DENND1A: variants seen among roughly 807,000 people sequenced by gnomAD.
DENND1A encodes the protein DENN domain containing 1A, also known as DENN domain-containing protein 1A.
In DENND1A, 51 loss-of-function variants were observed where a neutral mutation model predicts 113.7. That is an observed-to-expected ratio of 0.45 (90% CI 0.36 to 0.57). The LOEUF (loss-of-function observed/expected upper bound fraction) is 0.57, where lower values mean the gene tolerates loss of function less well. Among genes scored for constraint, DENND1A ranks in the 20% least tolerant of loss-of-function variants. The pLI is 0.00. For missense variants in DENND1A, 1,258 were observed against 1,395.9 expected, an observed-to-expected ratio of 0.90 and a Z score of 1.57; for synonymous variants, 565 against 570.8, an observed-to-expected ratio of 0.99 and a Z score of 0.14.
chr9:123,769,192 T>A (rs938955750), intron 4 of DENND1A, among the ~76,000 whole-genome samples: 2 of 152,166 alleles, frequency 1.3e-5, no homozygotes, highest in Non-Finnish European at 2.9e-5. Flanking sequence ...GCCAAATATA[T>A]TCATATTTAA....
chr9:123,549,934 T>A (rs1259820502), intron 13 of DENND1A, among the ~76,000 whole-genome samples: 2 of 152,188 alleles, frequency 1.3e-5, no homozygotes, highest in African/African-American at 4.8e-5. Context: ...CAAAAACAAA[T>A]CCGAAAACAG....
intron 5 of DENND1A, among the ~76,000 whole-genome samples, chr9:123,686,029 G>A (rs1290773806): frequency 6.6e-6 from 1 of 151,358 alleles, no homozygotes; most frequent in African/African-American, 2.4e-5. Context: ...AGGAAGAAAT[G>A]GCTACATGAG....
At chr9:123,927,594 T>C (rs775432015) in intron 1 of DENND1A, among the ~76,000 whole-genome samples, 9 of 152,214 alleles carry the variant, frequency 5.9e-5, no homozygotes, top group Non-Finnish European at 1.2e-4. Context: ...TCAGGGAAAC[T>C]GAGGTTGAAA....
intron 3 of DENND1A, among the ~76,000 whole-genome samples, chr9:123,791,028 T>C (rs972950561): frequency 1.3e-5 from 2 of 152,178 alleles, no homozygotes; most frequent in Non-Finnish European, 2.9e-5. Flanking sequence ...TTTAAAGTTA[T>C]ACTAAAAAAG....
intron 2 of DENND1A, among the ~76,000 whole-genome samples, chr9:123,823,478 GA>G (rs1432295203): frequency 6.6e-6 from 1 of 152,162 alleles, no homozygotes; most frequent in Non-Finnish European, 1.5e-5. Context: ...TAAGGCCAGA[GA>G]AGGAAGCTTG....
chr9:123,674,327 G>A (rs1230985561), intron 6 of DENND1A, among the ~76,000 whole-genome samples: 1 of 100,910 alleles, frequency 9.9e-6, no homozygotes, highest in Non-Finnish European at 2.1e-5. Context: ...CTCTGTCTCT[G>A]TCTCTGTCTC....
rs532736975 is a variant in DENND1A at position 123,601,891 on chromosome 9, GCTGTAAGCCCTC to G, written c.765+7533_765+7544del. 3.5e-3 allele frequency among the ~76,000 whole-genome samples: 536 copies of G among 152,316 alleles called. 1 individual carries two copies. The highest frequency in any genetic ancestry group is 0.012 in the African/African-American group (514 of 41,566). ...TCTCTGGAGGAATATGGGGCCACCA[GCTGTAAGCCCTC>G]CTTTCCCCTCCTCACCACAATCCCC... On this transcript the variant is annotated intron_variant, in intron 11 of 23. Coordinates refer to ENST00000394215, the MANE Select transcript of DENND1A (RefSeq NM_001352964.2).
At chr9:123,720,455 A>C (rs1339444525) in intron 5 of DENND1A, among the ~76,000 whole-genome samples, 4 of 152,236 alleles carry the variant, frequency 2.6e-5, no homozygotes, top group Non-Finnish European at 5.9e-5. Context: ...GTTCTCATTA[A>C]TAGGCCTGCG....
chr9:123,756,382 A>G (rs1286118218), intron 5 of DENND1A, among the ~76,000 whole-genome samples: 2 of 152,190 alleles, frequency 1.3e-5, no homozygotes, highest in Non-Finnish European at 2.9e-5. Context: ...TTTAAAAAGA[A>G]AAAGACTGCA....
At chr9:123,518,914 T>G (rs2054158690) in intron 13 of DENND1A, among the ~76,000 whole-genome samples, 2 of 152,242 alleles carry the variant, frequency 1.3e-5, no homozygotes, top group African/African-American at 2.4e-5. Context: ...CCACTGATTT[T>G]GAATAAAACC....
chr9:123,921,077 T>C (rs1856162168), intron 1 of DENND1A, among the ~76,000 whole-genome samples: 1 of 152,198 alleles, frequency 6.6e-6, no homozygotes, highest in Admixed American at 6.5e-5. Flanking sequence ...GCAAATACTT[T>C]GGTTTTTAAA....
At chr9:123,686,510 C>T (rs142810038) in intron 5 of DENND1A, among the ~76,000 whole-genome samples, 386 of 152,368 alleles carry the variant, frequency 2.5e-3, no homozygotes, top group Middle Eastern at 0.01. Context: ...CTCTGGCTGC[C>T]TCCCAACAAT....
intron 2 of DENND1A, among the ~76,000 whole-genome samples, chr9:123,872,061 ACTT>A (rs1846705102): frequency 6.6e-6 from 1 of 152,170 alleles, no homozygotes; most frequent in Non-Finnish European, 1.5e-5. Context: ...CTGAATTCAG[ACTT>A]CAGAGTTTTT....
In DENND1A at chr9:123,757,792, G is replaced by A. The variant is rs2070695559; in HGVS notation, c.213C>T (p.Phe71=). ...SLTVSQVGQN[F]TFVLTDIDSK... ...TGTCAATGTCAGTGAGCACGAATGT[G>A]AAGTTCTGGCCAACTTGGCTAACTG... Residue 71 remains phenylalanine (F), a synonymous_variant, in exon 5 of 24, where the codon TTC becomes TTT. Coordinates refer to ENST00000394215, the MANE Select transcript of DENND1A (RefSeq NM_001352964.2). The A allele has an allele frequency of 1.2e-6, 2 of 1,613,910 alleles. No homozygotes were observed. The highest frequency in any genetic ancestry group is 2.2e-5 in the East Asian group (1 of 44,846).
chr9:123,852,776 A>C (rs1476750436), intron 2 of DENND1A, among the ~76,000 whole-genome samples: 1 of 152,214 alleles, frequency 6.6e-6, no homozygotes, highest in Admixed American at 6.5e-5. Flanking sequence ...TCCTGAAAAC[A>C]CCACCCTATA....
At chr9:123,448,779 T>C (rs1224865653) in intron 18 of DENND1A, among the ~76,000 whole-genome samples, 1 of 152,212 alleles carries the variant, frequency 6.6e-6, no homozygotes, top group Non-Finnish European at 1.5e-5. Flanking sequence ...AAACTAAGAA[T>C]TTAAATGCTT....
At chr9:123,463,997 T>C (rs776376291) in intron 13 of DENND1A, among the ~76,000 whole-genome samples, 19 of 152,132 alleles carry the variant, frequency 1.2e-4, no homozygotes, top group Non-Finnish European at 2.5e-4. Flanking sequence ...GATGGGTTGA[T>C]AGGTATAGCA....
intron 5 of DENND1A, among the ~76,000 whole-genome samples, chr9:123,686,560 G>C (rs1244372609): frequency 6.6e-6 from 1 of 152,220 alleles, no homozygotes; most frequent in Admixed American, 6.5e-5. Context: ...AGGGACACTA[G>C]TCATGTGTCA....
At chr9:123,666,073 A>C (rs1294736454) in intron 8 of DENND1A, among the ~76,000 whole-genome samples, 2 of 152,232 alleles carry the variant, frequency 1.3e-5, no homozygotes, top group African/African-American at 4.8e-5. Context: ...GTAATGGGGA[A>C]TTGCTTAATG....
Sources: allele counts gnomAD v4.1 joint callset (sites outside exome capture counted in the v4.1 genomes callset), GRCh38; gene constraint gnomAD v4.1.1; transcripts MANE v1.5; gene names NCBI Gene and HGNC (gene_info 2026-07-23, HGNC 2026-07-21).